MSRA: variants seen among roughly 807,000 people sequenced by gnomAD.
MSRA encodes methionine sulfoxide reductase A.
In MSRA, 54 loss-of-function variants were observed where a neutral mutation model predicts 31.3. The observed-to-expected ratio is 1.73, with a 90% CI of 1.39 to 2.17. The LOEUF (loss-of-function observed/expected upper bound fraction) is 2.17. Among genes scored for constraint, MSRA ranks in the 30% most tolerant of loss-of-function variants. The probability of loss-of-function intolerance (pLI) is 0.00; values close to 1 mark genes in which losing one functional copy is unlikely to be tolerated. For missense variants in MSRA, 507 were observed against 300.9 expected (o/e 1.69, Z -5.07); for synonymous variants, 169 against 116.5 (o/e 1.45, Z -2.90).
At chr8:10,378,302 G>A (rs1200982406) in intron 5 of MSRA, among the ~76,000 whole-genome samples, 1 of 152,200 alleles carries the variant, frequency 6.6e-6, no homozygotes, top group Non-Finnish European at 1.5e-5. Flanking sequence ...AGGGACCACA[G>A]GGAAAAGCTG....
intron 5 of MSRA, among the ~76,000 whole-genome samples, chr8:10,396,160 C>T (rs1443621078): frequency 1.3e-5 from 2 of 152,154 alleles, no homozygotes; most frequent in Non-Finnish European, 2.9e-5. Context: ...GGGCCACTTT[C>T]CGTGCTGCTG....
chr8:10,200,654 C>G (rs749044264), intron 1 of MSRA, among the ~76,000 whole-genome samples: 1 of 152,172 alleles, frequency 6.6e-6, no homozygotes, highest in African/African-American at 2.4e-5. Context: ...TCACCCAGCA[C>G]CATGTTTGTC....
At chr8:10,274,683 A>G (rs1180118124) in intron 3 of MSRA, among the ~76,000 whole-genome samples, 2 of 152,104 alleles carry the variant, frequency 1.3e-5, no homozygotes, top group African/African-American at 2.4e-5. Flanking sequence ...CTACCCATCC[A>G]TCCATGTATC....
intron 1 of MSRA, among the ~76,000 whole-genome samples, chr8:10,094,754 T>G (rs1270018877): frequency 1.3e-5 from 2 of 152,214 alleles, no homozygotes; most frequent in African/African-American, 4.8e-5. Flanking sequence ...AAAAGGTGTT[T>G]ATGTTAAAAA....
chr8:10,172,222 C>G (rs957357263), intron 1 of MSRA, among the ~76,000 whole-genome samples: 1 of 152,144 alleles, frequency 6.6e-6, no homozygotes, highest in South Asian at 2.1e-4. Context: ...TGGTGTGTGT[C>G]ACCCTGCATG....
intron 3 of MSRA, among the ~76,000 whole-genome samples, chr8:10,283,414 T>G (rs1387853021): frequency 6.6e-6 from 1 of 152,098 alleles, no homozygotes; most frequent in Non-Finnish European, 1.5e-5. Context: ...AGAAGAAATG[T>G]CCTATCTACT....
chr8:10,072,640 C>T (rs552734164), intron 1 of MSRA, among the ~76,000 whole-genome samples: 1 of 152,322 alleles, frequency 6.6e-6, no homozygotes, highest in South Asian at 2.1e-4. Context: ...AACTCTCTGT[C>T]AACAGAAAAA....
At chr8:10,236,901 A>G (rs1185823580) in intron 2 of MSRA, among the ~76,000 whole-genome samples, 5 of 152,200 alleles carry the variant, frequency 3.3e-5, no homozygotes, top group Admixed American at 3.3e-4. Flanking sequence ...ATTGAAGGAC[A>G]TCCAAGAAGA....
At chr8:10,193,632 C>T (rs1412650918) in intron 1 of MSRA, among the ~76,000 whole-genome samples, 1 of 152,196 alleles carries the variant, frequency 6.6e-6, no homozygotes, top group African/African-American at 2.4e-5. Context: ...TGTTCTATTT[C>T]GCCTCCATCT....
intron 5 of MSRA, among the ~76,000 whole-genome samples, chr8:10,381,990 G>T (rs963479059): frequency 6.6e-6 from 1 of 152,202 alleles, no homozygotes; most frequent in Non-Finnish European, 1.5e-5. Context: ...AGTAATATGT[G>T]ATTGGAGAAT....
intron 1 of MSRA, among the ~76,000 whole-genome samples, chr8:10,117,260 G>T (rs1048818204): frequency 1.3e-5 from 2 of 152,178 alleles, no homozygotes; most frequent in African/African-American, 4.8e-5. Context: ...TGGAACATGG[G>T]ATGGGGGAGG....
At chr8:10,114,355 G>A (rs1169778475) in intron 1 of MSRA, among the ~76,000 whole-genome samples, 4 of 152,214 alleles carry the variant, frequency 2.6e-5, no homozygotes, top group Non-Finnish European at 2.9e-5. Context: ...CCAGACGTAA[G>A]AGTGGAATTT....
At chr8:10,285,822 T>G (rs116327551) in intron 3 of MSRA, among the ~76,000 whole-genome samples, 3,965 of 152,332 alleles carry the variant, frequency 0.026, 166 homozygotes, top group African/African-American at 0.089. Flanking sequence ...ATGACAGTTT[T>G]GTTCTTTTTT....
chr8:10,291,437 A>G (rs1459131525), intron 3 of MSRA, among the ~76,000 whole-genome samples: 1 of 152,218 alleles, frequency 6.6e-6, no homozygotes, highest in African/African-American at 2.4e-5. Flanking sequence ...AAGCCAAGAT[A>G]AAATGACAGT....
chr8:10,261,346 T>C (rs1404459337), intron 3 of MSRA, among the ~76,000 whole-genome samples: 2 of 147,632 alleles, frequency 1.4e-5, no homozygotes, highest in Non-Finnish European at 3.0e-5. Context: ...GTGAACAGGA[T>C]AAAATTGTTT....
chr8:10,126,733 C>CA, intron 1 of MSRA, among the ~76,000 whole-genome samples: 1 of 152,308 alleles, frequency 6.6e-6, no homozygotes, highest in East Asian at 1.9e-4. Context: ...AGGCTGGTCT[C>CA]AAACTCCTGA....
chr8:10,056,633 G>C (rs1054728756), intron 1 of MSRA, among the ~76,000 whole-genome samples: 1 of 151,758 alleles, frequency 6.6e-6, no homozygotes, highest in East Asian at 1.9e-4. Context: ...GATTGTGGAC[G>C]TTCCAGTCTC....
intron 2 of MSRA, among the ~76,000 whole-genome samples, chr8:10,244,232 G>A (rs1436222764): frequency 1.3e-5 from 2 of 152,132 alleles, no homozygotes; most frequent in East Asian, 3.8e-4. Context: ...ACATCTAGAA[G>A]TGGGCCATAG....
chr8:10,215,536 T>TC (rs1358464144), intron 2 of MSRA, among the ~76,000 whole-genome samples: 1 of 152,164 alleles, frequency 6.6e-6, no homozygotes, highest in East Asian at 1.9e-4. Context: ...CTCTATGGGA[T>TC]CCATCACCTC....
Sources: allele counts gnomAD v4.1 joint callset (sites outside exome capture counted in the v4.1 genomes callset), GRCh38; gene constraint gnomAD v4.1.1; transcripts MANE v1.5; gene names NCBI Gene and HGNC (gene_info 2026-07-23, HGNC 2026-07-21).